PCDHGA1: variants seen among roughly 807,000 people sequenced by gnomAD.
PCDHGA1 encodes protocadherin gamma-A1.
PCDHGA1 carries 32 observed loss-of-function variants against 58.0 expected under a neutral mutation model. The observed-to-expected ratio is 0.55, with a 90% CI of 0.42 to 0.74. The LOEUF (loss-of-function observed/expected upper bound fraction) is 0.74, where lower values mean the gene tolerates loss of function less well. Among genes scored for constraint, PCDHGA1 ranks in the 30% least tolerant of loss-of-function variants. The probability of loss-of-function intolerance (pLI) is 0.00; values close to 1 mark genes in which losing one functional copy is unlikely to be tolerated. For missense variants in PCDHGA1, 1,205 were observed against 1,182.3 expected, an observed-to-expected ratio of 1.02 and a Z score of -0.28; for synonymous variants, 498 against 501.1, an observed-to-expected ratio of 0.99 and a Z score of 0.08.
At chr5:141,452,881 T>A (rs1273440996) in intron 1 of PCDHGA1, among the ~76,000 whole-genome samples, 1 of 152,166 alleles carries the variant, frequency 6.6e-6, no homozygotes, top group African/African-American at 2.4e-5. Context: ...TTTGTAATAA[T>A]TTATTCCACT....
At chr5:141,382,813 T>A in intron 1 of PCDHGA1, 1 of 1,218,620 alleles carries the variant, frequency 8.2e-7, no homozygotes, top group East Asian at 2.4e-5. Flanking sequence ...GAGCTCCCCT[T>A]CCTAAGACAG....
intron 1 of PCDHGA1, chr5:141,478,484 C>A (rs376021397): frequency 1.2e-5 from 20 of 1,613,340 alleles, no homozygotes; most frequent in Non-Finnish European, 1.4e-5. Context: ...GAACACGCTG[C>A]GGAGCTGTGA....
At chr5:141,397,395 C>G (rs1382237446) in intron 1 of PCDHGA1, among the ~76,000 whole-genome samples, 1 of 152,048 alleles carries the variant, frequency 6.6e-6, no homozygotes, top group Non-Finnish European at 1.5e-5. Flanking sequence ...ATTGCCACAA[C>G]TTTACAAAAT....
At chr5:141,360,985 G>A (rs762015105) in intron 1 of PCDHGA1, 3 of 1,613,644 alleles carry the variant, frequency 1.9e-6, no homozygotes, top group East Asian at 4.5e-5. Flanking sequence ...CTTTCATAAT[G>A]TGGACGAACA....
chr5:141,487,176 A>T lies in PCDHGA1; in HGVS notation c.2422-7631A>T. ...ACTCTCTTAGTGTCCTTAGAGGAAG[A>T]CACTCATCCAGTTGTCCCAGATCTT... On this transcript the variant is annotated intron_variant, in intron 1 of 3. Transcript: ENST00000517417. This position sits in a 1 kb window ranked among gnomAD's most constrained non-coding sequence, Gnocchi z 5.0. 1 of 1,613,774 alleles carries T rather than the reference A, an allele frequency of 6.2e-7. No individual in the cohort carries two copies. Among genetic ancestry groups the T allele is most frequent in the South Asian group, 1.1e-5 (1 of 91,082 alleles).
rs1223618064 is a variant in PCDHGA1 at position 141,512,867 on chromosome 5, C to T, written c.*1694C>T. On this transcript the variant is annotated 3_prime_UTR_variant, in exon 4 of 4. Transcript: ENST00000517417. The stretch of plus-strand genomic sequence containing the variant: ...ATAAGCGCTTCTCTTCGCATAGTCA[C>T]GTAGCTCCCACCCCACCCTCTTCCT... 1 of 152,184 alleles carries T rather than the reference C, an allele frequency of 6.6e-6. No homozygotes were observed. The highest frequency in any genetic ancestry group is 1.5e-5 in the Non-Finnish European group (1 of 68,056). The allele number at this position is 152,184 out of a possible 1,614,324, so 9.4% of individuals were successfully genotyped here. A position where few individuals can be genotyped will look rare whatever the true frequency, so the allele number is the denominator to read the frequency against.
chr5:141,412,998 T>G, intron 1 of PCDHGA1: 1 of 586,036 alleles, frequency 1.7e-6, no homozygotes, highest in Non-Finnish European at 2.9e-6. Context: ...ATCCGGATTC[T>G]CAGGGCTTCA....
chr5:141,349,218 C>T lies in PCDHGA1; in HGVS notation c.2421+16113C>T, dbSNP rs369129742. Among the ~76,000 whole-genome samples the T allele has an allele frequency of 9.8e-5, 14 of 143,290 alleles. No individual in the cohort carries two copies. The East Asian group carries it at 1.2e-3, about 12-fold the overall frequency. 94.0% of individuals were successfully genotyped at this position (143,290 alleles called of 152,430 possible). A position where few individuals can be genotyped will look rare whatever the true frequency, so the allele number is the denominator to read the frequency against. ...CCGAGTAGCTGGCGTTACAGGTACC[C>T]GCCACCATGCCTGGATAATTTTTAT... On this transcript the variant is annotated intron_variant, in intron 1 of 3. Coordinates refer to ENST00000517417, the MANE Select transcript of PCDHGA1 (RefSeq NM_018912.3).
At chr5:141,344,062 G>A in intron 1 of PCDHGA1, 2 of 1,572,912 alleles carry the variant, frequency 1.3e-6, no homozygotes, top group Non-Finnish European at 1.7e-6. Context: ...TTCCGAAATG[G>A]CAGAGGACTG....
chr5:141,460,936 A>G (rs189741735), intron 1 of PCDHGA1, among the ~76,000 whole-genome samples: 31 of 149,318 alleles, frequency 2.1e-4, no homozygotes, highest in Non-Finnish European at 3.8e-4. Flanking sequence ...GTGTGTGTGT[A>G]TATATATGTA....
chr5:141,332,231 C>A lies in PCDHGA1; in HGVS notation c.1547C>A (p.Ala516Glu). Residue 516 changes from alanine to glutamate, a missense_variant, in exon 1 of 4, where the codon GCG becomes GAG. Physicochemically the swap from Ala to Glu is moderately radical, Grantham distance 107. Transcript: ENST00000517417. This position sits in a 1 kb window ranked among gnomAD's most constrained non-coding sequence, Gnocchi z 4.6. The stretch of plus-strand genomic sequence containing the variant: ...AACTCCGACACTGGGGTCCTGTATG[C>A]GCTGCGATCCTTCGACTATGAGCAG... The part of the protein sequence containing the change: ...SINSDTGVLY[A>E]LRSFDYEQFR... 6.2e-7 allele frequency: 1 copy of A among 1,614,222 alleles called. No homozygotes were observed. The highest frequency in any genetic ancestry group is 8.5e-7 in the Non-Finnish European group (1 of 1,180,040).
At chr5:141,470,139 A>AT (rs146570937) in intron 1 of PCDHGA1, among the ~76,000 whole-genome samples, 7,047 of 152,316 alleles carry the variant, frequency 0.046, 200 homozygotes, top group Middle Eastern at 0.092. Flanking sequence ...AAAAAAAAAG[A>AT]TCATAGATCA....
At chr5:141,414,678 G>A (rs1276367800) in intron 1 of PCDHGA1, 14 of 1,613,856 alleles carry the variant, frequency 8.7e-6, no homozygotes, top group African/African-American at 1.3e-5. Context: ...ACACCATCCA[G>A]GGGGTACCTC....
At chr5:141,357,689 A>C in intron 1 of PCDHGA1, 1 of 1,561,198 alleles carries the variant, frequency 6.4e-7, no homozygotes, top group Non-Finnish European at 8.7e-7. Context: ...AATGTCTCTC[A>C]TTTTATATGT....
Position 141,486,054 on chromosome 5 carries a change from G to T in PCDHGA1, c.2422-8753G>T. The T allele has an allele frequency of 1.2e-6, 2 of 1,614,124 alleles. No homozygotes were observed. Among genetic ancestry groups the T allele is most frequent in the South Asian group, 1.1e-5 (1 of 91,072 alleles). On this transcript the variant is annotated intron_variant, in intron 1 of 3. Transcript: ENST00000517417. The surrounding 1 kb of genome is among the most constrained non-coding windows in gnomAD (Gnocchi z 5.0). The stretch of plus-strand genomic sequence containing the variant: ...CCTGATCGTGTAAGAAACCTCTTTA[G>T]CCTGCACCCCACTACTGGAAAGCTT...
rs145484670 is a variant in PCDHGA1 at position 141,469,912 on chromosome 5, C to T, written c.2422-24895C>T. Among the ~76,000 whole-genome samples, 674 of 152,288 alleles carry T rather than the reference C, an allele frequency of 4.4e-3. 6 individuals are homozygous for T. The highest frequency in any genetic ancestry group is 0.015 in the African/African-American group (642 of 41,562). On this transcript the variant is annotated intron_variant, in intron 1 of 3. Transcript: ENST00000517417. ...TTGGGAAGCCGAGGCAGGCAGACCA[C>T]CCGAGGTCAGGAGTTTGAGACCAGC...
Position 141,374,601 on chromosome 5 carries a change from G to C in PCDHGA1, c.2421+41496G>C, listed in dbSNP as rs772584663. 6.1e-5 allele frequency: 98 copies of C among 1,613,558 alleles called. No homozygotes were observed. Among genetic ancestry groups the C allele is most frequent in the Non-Finnish European group, 8.1e-5 (96 of 1,179,756 alleles). ...AACTCCCTTCAGGGATTTAAGCTCA[G>C]TGGTAATAGTCACTTCTCAGTGGAC... is the stretch of plus-strand genomic sequence containing the variant. On this transcript the variant is annotated intron_variant, in intron 1 of 3. Transcript: ENST00000517417.
chr5:141,400,528 A>G, intron 1 of PCDHGA1: 2 of 1,613,868 alleles, frequency 1.2e-6, no homozygotes, highest in South Asian at 2.2e-5. Flanking sequence ...TGAGTTGGTG[A>G]GTTTCATTTA....
chr5:141,415,289 C>T (rs1413039067), intron 1 of PCDHGA1: 11 of 1,614,088 alleles, frequency 6.8e-6, no homozygotes, highest in African/African-American at 1.3e-5. Flanking sequence ...GCCGCGGTCT[C>T]CTGCGTCTTC....
Sources: gnomAD v4.1 joint callset for allele counts (sites outside exome capture counted in the v4.1 genomes callset) on GRCh38, gnomAD v4.1.1 for gene constraint, Gnocchi (gnomAD v3.1) non-coding constraint, MANE v1.5 for transcripts, NCBI Gene and HGNC (gene_info 2026-07-23, HGNC 2026-07-21) for gene names.